The following RANBP2 variants were observed in gnomAD, a reference collection of about 807,000 sequenced individuals.
RANBP2 encodes E3 SUMO-protein ligase RanBP2.
RANBP2 carries 57 observed loss-of-function variants against 303.6 expected under a neutral mutation model. The ratio of observed to expected loss-of-function variants is 0.19; its 90% CI spans 0.15 to 0.23. The LOEUF (loss-of-function observed/expected upper bound fraction) is 0.23, where lower values mean the gene tolerates loss of function less well. RANBP2 is among the 10% of genes least tolerant of loss of function. The pLI is 1.00. For synonymous variants in RANBP2, 1,167 were observed against 1,301.5 expected, an observed-to-expected ratio of 0.90 and a Z score of 2.23; for missense variants, 3,138 against 3,780.8, an observed-to-expected ratio of 0.83 and a Z score of 4.46.
chr2:109,251,136 G>T, the RANBP2 span, among the ~76,000 whole-genome samples: 2 of 152,016 alleles, frequency 1.3e-5, no homozygotes, highest in Non-Finnish European at 2.9e-5. Flanking sequence ...CACAGTAGCT[G>T]GGATTACAGG....
At chr2:109,012,252 C>T in the RANBP2 span, among the ~76,000 whole-genome samples, 442 of 152,276 alleles carry the variant, frequency 2.9e-3, 3 homozygotes, top group African/African-American at 0.01. Context: ...CAGTTTGCTC[C>T]CCTGGAGGGT....
At chr2:109,009,519 C>T in the RANBP2 span, among the ~76,000 whole-genome samples, 16 of 151,524 alleles carry the variant, frequency 1.1e-4, no homozygotes, top group Non-Finnish European at 2.1e-4. Context: ...TTTTTTGTTG[C>T]GTTTGTTTGT....
At chr2:108,930,071 G>T in the RANBP2 span, 13 of 1,583,138 alleles carry the variant, frequency 8.2e-6, no homozygotes, top group African/African-American at 2.7e-5. Context: ...CCACAAGCAG[G>T]AGGCCTCCCC....
chr2:109,648,773 C>G, the RANBP2 span, among the ~76,000 whole-genome samples: 1 of 151,996 alleles, frequency 6.6e-6, no homozygotes, highest in Non-Finnish European at 1.5e-5. Flanking sequence ...CCTGCCTCAG[C>G]CTCCCGAGTA....
chr2:108,963,482 C>A, the RANBP2 span, among the ~76,000 whole-genome samples: 1 of 152,274 alleles, frequency 6.6e-6, no homozygotes, highest in Non-Finnish European at 1.5e-5. Context: ...AGAGATAATA[C>A]AGAGAGATCC....
At chr2:109,321,928 G>T in the RANBP2 span, among the ~76,000 whole-genome samples, 1 of 152,328 alleles carries the variant, frequency 6.6e-6, no homozygotes, top group African/African-American at 2.4e-5. Flanking sequence ...AAGGGGAGAT[G>T]GGGCCCTTTT....
chr2:109,163,390 CTTTTTTTTTTTTTT>C, the RANBP2 span, among the ~76,000 whole-genome samples: 11 of 70,266 alleles, frequency 1.6e-4, no homozygotes, highest in East Asian at 2.5e-3. Context: ...AGCAAATATT[CTTTTTTTTTTTTTT>C]TTTTTTTTTT....
chr2:109,297,603 A>G, the RANBP2 span, among the ~76,000 whole-genome samples: 14 of 139,918 alleles, frequency 1.0e-4, no homozygotes, highest in Non-Finnish European at 1.7e-4. Context: ...AGTGCCCCCA[A>G]CCTGGGTCAG....
At chr2:108,890,780 C>T in the RANBP2 span, among the ~76,000 whole-genome samples, 1 of 152,118 alleles carries the variant, frequency 6.6e-6, no homozygotes, top group African/African-American at 2.4e-5. Flanking sequence ...TGTCTCTTTA[C>T]TCTCAGGGAT....
the RANBP2 span, among the ~76,000 whole-genome samples, chr2:109,093,406 T>TAAAAAAAAAAAAAAAAAAAAA: frequency 1.1e-4 from 10 of 90,638 alleles, no homozygotes; most frequent in African/African-American, 1.8e-4. Flanking sequence ...CGGAGATTTG[T>TAAAAAAAAAAAAAAAAAAAAA]AAAAAAAAAA....
chr2:109,496,172 T>C, the RANBP2 span, among the ~76,000 whole-genome samples: 2 of 152,362 alleles, frequency 1.3e-5, no homozygotes, highest in African/African-American at 4.8e-5. Context: ...TTTAGGATCC[T>C]GCTGATTGGT....
At chr2:109,704,294 A>G in the RANBP2 span, among the ~76,000 whole-genome samples, 3 of 152,194 alleles carry the variant, frequency 2.0e-5, no homozygotes, top group Non-Finnish European at 2.9e-5. Flanking sequence ...TCATGCCTGT[A>G]ATCCTAACAC....
At chr2:109,545,497 A>G in the RANBP2 span, 2 of 1,536,142 alleles carry the variant, frequency 1.3e-6, no homozygotes, top group Non-Finnish European at 1.7e-6. Flanking sequence ...TGGTTTCACA[A>G]GCTCTGACAT....
At chr2:108,720,377 G>C (rs1177198154) in intron 1 of RANBP2, among the ~76,000 whole-genome samples, 2 of 150,306 alleles carry the variant, frequency 1.3e-5, no homozygotes, top group South Asian at 2.1e-4. Flanking sequence ...AAATTCTAAA[G>C]TTCTTACAAA....
chr2:109,215,511 T>C, the RANBP2 span, among the ~76,000 whole-genome samples: 1 of 152,056 alleles, frequency 6.6e-6, no homozygotes, highest in African/African-American at 2.4e-5. Context: ...CAGCAGTGTG[T>C]ACTCGGAGTG....
At chr2:109,289,492 C>T in the RANBP2 span, among the ~76,000 whole-genome samples, 2 of 152,218 alleles carry the variant, frequency 1.3e-5, no homozygotes, top group South Asian at 2.1e-4. Flanking sequence ...TGCTCTTATA[C>T]GCACTCTTGG....
the RANBP2 span, chr2:109,614,726 C>T: frequency 6.7e-7 from 1 of 1,488,476 alleles, no homozygotes; most frequent in Non-Finnish European, 8.9e-7. Context: ...ACGTGCACCT[C>T]AAGAAGAGGT....
the RANBP2 span, among the ~76,000 whole-genome samples, chr2:108,879,543 A>G: frequency 1.3e-5 from 2 of 152,362 alleles, no homozygotes; most frequent in South Asian, 2.1e-4. Context: ...ACATTAATCC[A>G]TGATTAAGTA....
downstream of RANBP2, among the ~76,000 whole-genome samples, chr2:108,790,241 G>GA (rs1679685436): frequency 6.6e-6 from 1 of 152,162 alleles, no homozygotes; most frequent in Non-Finnish European, 1.5e-5. Flanking sequence ...GTAGGGTAAG[G>GA]AAAGTGAAAA....
Sources: gnomAD v4.1 joint callset for allele counts (sites outside exome capture counted in the v4.1 genomes callset) on GRCh38, gnomAD v4.1.1 for gene constraint, MANE v1.5 for transcripts, NCBI Gene and HGNC (gene_info 2026-07-23, HGNC 2026-07-21) for gene names.